The following ELF2 variants were observed in gnomAD, a reference collection of about 807,000 sequenced individuals.
ELF2 encodes ETS-related transcription factor Elf-2.
In ELF2, 11 loss-of-function variants were observed where a neutral mutation model predicts 54.8. The ratio of observed to expected loss-of-function variants is 0.20; its 90% CI spans 0.13 to 0.33. The LOEUF is 0.33. ELF2 is among the 10% of genes least tolerant of loss of function. ELF2 has a pLI of 1.00. For missense variants in ELF2, 513 were observed against 703.0 expected (o/e 0.73, Z 3.06); for synonymous variants, 203 against 245.1 (o/e 0.83, Z 1.61).
chr4:139,093,073 C>T (rs894642967), intron 4 of ELF2, among the ~76,000 whole-genome samples: 2 of 151,450 alleles, frequency 1.3e-5, no homozygotes, highest in Non-Finnish European at 2.9e-5. Flanking sequence ...TCACGCCATC[C>T]TCCTGGCTCA....
intron 1 of ELF2, among the ~76,000 whole-genome samples, chr4:139,140,972 A>G (rs973325020): frequency 5.3e-5 from 8 of 152,086 alleles, no homozygotes; most frequent in African/African-American, 1.9e-4. Context: ...TGCTTGTAGA[A>G]TCCAATGGAT....
At chr4:139,103,151 A>G (rs1734083430) in intron 4 of ELF2, among the ~76,000 whole-genome samples, 1 of 152,240 alleles carries the variant, frequency 6.6e-6, no homozygotes, top group Admixed American at 6.5e-5. Context: ...TCTACTGATA[A>G]GAAAATCTCC....
rs1424340772 is a variant in ELF2 at position 139,057,709 on chromosome 4, G to A, written c.*1274C>T. The A allele has an allele frequency of 2.6e-5, 4 of 152,218 alleles. No individual in the cohort carries two copies. The allele number at this position is 152,218 out of a possible 1,614,324, so 9.4% of individuals were successfully genotyped here. ...ATTAGAAAGAAACTGGCAACATGCAGATATTTGCCAAATATTAATATAATG... is the reference window on the plus strand; with the variant it reads ...ATTAGAAAGAAACTGGCAACATGCAAATATTTGCCAAATATTAATATAATG... On this transcript the variant is annotated 3_prime_UTR_variant, in exon 10 of 10. Transcript: ENST00000686138.
At chr4:139,107,393 TAAAAC>T (rs1323754194) in intron 4 of ELF2, among the ~76,000 whole-genome samples, 1 of 152,216 alleles carries the variant, frequency 6.6e-6, no homozygotes, top group African/African-American at 2.4e-5. Context: ...AACCTCTTGT[TAAAAC>T]AAAACAATAA....
intron 1 of ELF2, among the ~76,000 whole-genome samples, chr4:139,154,924 A>G (rs936969343): frequency 3.9e-5 from 6 of 152,126 alleles, no homozygotes; most frequent in Admixed American, 3.9e-4. Context: ...ATCTACCCAC[A>G]CCTTTTAAAA....
chr4:139,158,434 G>A (rs1740766164), intron 1 of ELF2, among the ~76,000 whole-genome samples: 2 of 152,122 alleles, frequency 1.3e-5, no homozygotes, highest in South Asian at 4.2e-4. Flanking sequence ...AAAGTGTTGG[G>A]GCAGCGAAAA....
At chr4:139,060,269 A>G in intron 9 of ELF2, 55 bp downstream of exon 9, 2 of 1,443,410 alleles carry the variant, frequency 1.4e-6, no homozygotes, top group Non-Finnish European at 9.2e-7. Flanking sequence ...TGTTTTCACC[A>G]CGGAGACTTT....
intron 4 of ELF2, among the ~76,000 whole-genome samples, chr4:139,093,740 C>G (rs926732068): frequency 6.6e-6 from 1 of 152,058 alleles, no homozygotes; most frequent in South Asian, 2.1e-4. Context: ...AATTGCTTAA[C>G]GTGGTATACA....
intron 3 of ELF2, among the ~76,000 whole-genome samples, chr4:139,134,609 T>TTTTA (rs1382856959): frequency 9.8e-5 from 14 of 142,938 alleles, no homozygotes; most frequent in Non-Finnish European, 1.5e-4. Context: ...TTTTATTTTA[T>TTTTA]TTTATTTTAT....
At chr4:139,087,846 C>T (rs565152588) in intron 4 of ELF2, among the ~76,000 whole-genome samples, 3 of 152,086 alleles carry the variant, frequency 2.0e-5, no homozygotes, top group Non-Finnish European at 2.9e-5. Flanking sequence ...ATAGTTTAAA[C>T]GACATTTATG....
chr4:139,127,137 T>C, intron 3 of ELF2, among the ~76,000 whole-genome samples: 1 of 152,216 alleles, frequency 6.6e-6, no homozygotes, highest in East Asian at 1.9e-4. Flanking sequence ...TCACTCCACC[T>C]GCCCTGCTGC....
chr4:139,145,218 T>C (rs942148250), intron 1 of ELF2, among the ~76,000 whole-genome samples: 4 of 152,268 alleles, frequency 2.6e-5, no homozygotes, highest in African/African-American at 9.6e-5. Context: ...GACCAGTTTA[T>C]TAATACTACA....
intron 4 of ELF2, chr4:139,084,537 T>A (rs1434690884): frequency 3.3e-6 from 2 of 598,942 alleles, no homozygotes; most frequent in African/African-American, 4.0e-5. Context: ...CCCGGACGCT[T>A]GCTCCAGAGA....
At chr4:139,062,669 GAATA>G (rs1283467581) in intron 7 of ELF2, among the ~76,000 whole-genome samples, 1 of 152,176 alleles carries the variant, frequency 6.6e-6, no homozygotes, top group African/African-American at 2.4e-5. Flanking sequence ...GATTTAAACT[GAATA>G]AATTTATTTA....
Position 139,084,042 on chromosome 4 carries a change from G to A in ELF2, c.239-10475C>T, listed in dbSNP as rs528177908. ...CTGTGAGGTGGACACTGTACCCCCA[G>A]CACAGACTGCTACAGGGGAGTCACC... On this transcript the variant is annotated intron_variant, in intron 4 of 9. Coordinates refer to ENST00000686138, the MANE Select transcript of ELF2 (RefSeq NM_001331036.3). 15 of 1,598,514 alleles carry A rather than the reference G, an allele frequency of 9.4e-6. No individual in the cohort carries two copies. In the East Asian group the frequency reaches 2.7e-4, roughly 29 times the overall value.
chr4:139,111,266 C>T (rs978221468), intron 4 of ELF2, among the ~76,000 whole-genome samples: 1 of 152,092 alleles, frequency 6.6e-6, no homozygotes, highest in African/African-American at 2.4e-5. Flanking sequence ...TTCAAGATAA[C>T]TTTTACTTAC....
In ELF2 at chr4:139,125,293, C is replaced by T; in HGVS notation, c.109G>A (p.Val37Met). 6.2e-7 allele frequency: 1 copy of T among 1,613,494 alleles called. No individual in the cohort carries two copies. Among genetic ancestry groups the T allele is most frequent in the Non-Finnish European group, 8.5e-7 (1 of 1,179,862 alleles). ...AATCTGGCACTTGGAACTGGCTCCA[C>T]AATCACTGCTGGATATTCAGAAACC... ...EKVSEYPAVI[V>M]EPVPSARLEQ... The change falls in exon 4 of 10, where the codon GTG becomes ATG. Residue 37 changes from valine (V) to methionine (M), a missense_variant. This residue lies in a region of ELF2 where 203 missense variants were observed against 245.9 expected (regional missense o/e 0.83). Coordinates refer to ENST00000686138, the MANE Select transcript of ELF2 (RefSeq NM_001331036.3).
intron 6 of ELF2, among the ~76,000 whole-genome samples, chr4:139,069,696 C>T (rs2148686971): frequency 6.6e-6 from 1 of 152,250 alleles, no homozygotes; most frequent in East Asian, 1.9e-4. Context: ...ATATTAAAGG[C>T]TCTCAAAATA....
At chr4:139,149,935 C>G (rs918362729) in intron 1 of ELF2, among the ~76,000 whole-genome samples, 2 of 152,112 alleles carry the variant, frequency 1.3e-5, no homozygotes, top group African/African-American at 4.8e-5. Context: ...TAGCTCACAC[C>G]TCTAGTCACA....
Sources: gnomAD v4.1 joint callset for allele counts (sites outside exome capture counted in the v4.1 genomes callset) on GRCh38, gnomAD v4.1.1 for gene constraint, gnomAD v4.1.1 regional missense constraint, MANE v1.5 for transcripts, NCBI Gene and HGNC (gene_info 2026-07-23, HGNC 2026-07-21) for gene names.